ARFGEF3: variants seen among roughly 807,000 people sequenced by gnomAD.
ARFGEF3 encodes the protein brefeldin A-inhibited guanine nucleotide-exchange protein 3.
ARFGEF3 carries 96 observed loss-of-function variants against 221.7 expected under a neutral mutation model. That is an observed-to-expected ratio of 0.43 (90% CI 0.37 to 0.51). ARFGEF3 has a LOEUF of 0.51. ARFGEF3 is among the 20% of genes least tolerant of loss of function. ARFGEF3 has a pLI of 0.00. For synonymous variants in ARFGEF3, 1,145 were observed against 1,126.8 expected, an observed-to-expected ratio of 1.02 and a Z score of -0.32; for missense variants, 2,410 against 2,789.9, an observed-to-expected ratio of 0.86 and a Z score of 3.07.
intron 20 of ARFGEF3, among the ~76,000 whole-genome samples, chr6:138,295,522 C>T (rs929405911): frequency 6.0e-5 from 9 of 150,332 alleles, no homozygotes; most frequent in Non-Finnish European, 1.3e-4. Context: ...CCCAGCTACT[C>T]GGGAGGCTGA....
At chr6:138,318,815 A>G (rs948939847) in intron 27 of ARFGEF3, among the ~76,000 whole-genome samples, 19 of 152,232 alleles carry the variant, frequency 1.2e-4, no homozygotes, top group African/African-American at 4.6e-4. Flanking sequence ...ATTATAGCAT[A>G]GTCTATAAAA....
chr6:138,263,340 A>G lies in ARFGEF3; in HGVS notation c.1857A>G (p.Glu619=), dbSNP rs754091423. 2.5e-6 allele frequency: 4 copies of G among 1,614,048 alleles called. No homozygotes were observed. The highest frequency in any genetic ancestry group is 3.4e-6 in the Non-Finnish European group (4 of 1,179,906). ...DSCDQYSMAA[E]KDSGRSDVSD... Reference sequence around the variant, plus strand: ...GTGATCAGTACTCTATGGCAGCAGAAAAGGACTCGGGCAGGTCCGACGTGT... The same window carrying G: ...GTGATCAGTACTCTATGGCAGCAGAGAAGGACTCGGGCAGGTCCGACGTGT... The change falls in exon 12 of 34, where the codon GAA becomes GAG. Residue 619 remains glutamate (E), a synonymous_variant. Coordinates refer to ENST00000251691, the MANE Select transcript of ARFGEF3 (RefSeq NM_020340.5).
intron 7 of ARFGEF3, among the ~76,000 whole-genome samples, chr6:138,243,895 C>T (rs1778436792): frequency 6.6e-6 from 1 of 152,138 alleles, no homozygotes; most frequent in African/African-American, 2.4e-5. Flanking sequence ...TCTTGGGCCG[C>T]GGACTGGAAG....
intron 14 of ARFGEF3, among the ~76,000 whole-genome samples, chr6:138,285,728 G>A (rs1019878632): frequency 5.3e-5 from 8 of 152,056 alleles, no homozygotes; most frequent in Non-Finnish European, 1.2e-4. Context: ...AATAAAGATA[G>A]GCAACAATGT....
intron 2 of ARFGEF3, among the ~76,000 whole-genome samples, chr6:138,185,961 A>G (rs1043541972): frequency 3.3e-5 from 5 of 152,204 alleles, no homozygotes; most frequent in African/African-American, 1.2e-4. Flanking sequence ...TCTGCATTCT[A>G]ATGATAAGGG....
intron 32 of ARFGEF3, among the ~76,000 whole-genome samples, chr6:138,329,017 A>T (rs1331261675): frequency 6.6e-6 from 1 of 151,854 alleles, no homozygotes; most frequent in African/African-American, 2.4e-5. Flanking sequence ...ATAAAAAGTA[A>T]ATTGAGGCAT....
intron 6 of ARFGEF3, 30 bp from the exon 7 acceptor site, chr6:138,242,922 C>T: frequency 1.9e-6 from 3 of 1,590,802 alleles, no homozygotes; most frequent in Non-Finnish European, 2.6e-6. Context: ...CCTGAATCTC[C>T]TAATTGTGTG....
rs566405523 is a variant in ARFGEF3 at position 138,269,614 on chromosome 6, G to T, written c.2128+6003G>T. Among the ~76,000 whole-genome samples, 7 of 152,206 alleles carry T rather than the reference G, an allele frequency of 4.6e-5. No homozygotes were observed. The East Asian group carries it at 1.4e-3, about 30-fold the overall frequency. ...ACCTGAGGTCAGGACTTCAAGACCA[G>T]CCTGACCAACATGGAGAAACCCCGT... On this transcript the variant is annotated intron_variant, in intron 12 of 33. Coordinates refer to ENST00000251691, the MANE Select transcript of ARFGEF3 (RefSeq NM_020340.5).
chr6:138,212,954 A>G (rs1777759464), intron 4 of ARFGEF3, among the ~76,000 whole-genome samples: 1 of 152,148 alleles, frequency 6.6e-6, no homozygotes, highest in Non-Finnish European at 1.5e-5. Context: ...TGGCACATGT[A>G]TACCTATGTA....
intron 22 of ARFGEF3, among the ~76,000 whole-genome samples, chr6:138,305,376 G>A (rs1779701259): frequency 1.3e-5 from 2 of 151,954 alleles, no homozygotes; most frequent in South Asian, 4.1e-4. Context: ...CACAGCAGAA[G>A]GTTTGCTTGA....
Position 138,334,707 on chromosome 6 carries a change from G to C in ARFGEF3, c.5861G>C (p.Gly1954Ala). The change falls in exon 33 of 34, where the codon GGC becomes GCC. Residue 1954 changes from glycine (G) to alanine (A), a missense_variant. Gly to Ala is a moderately conservative substitution (Grantham distance 60, BLOSUM62 0). This residue lies in a region of ARFGEF3 where 339 missense variants were observed against 334.9 expected (regional missense o/e 1.01). Transcript: ENST00000251691. The surrounding 1 kb of genome is among the most constrained non-coding windows in gnomAD (Gnocchi z 5.1). ...QSESSTPSTG[G>A]FSGKETPSED... ...GAGTCATCCACCCCATCCACCGGGG[G>C]CTTCTCTGGGAAAGAAACCCCTTCC... 6.2e-7 allele frequency: 1 copy of C among 1,610,318 alleles called. No individual in the cohort carries two copies. Among genetic ancestry groups the C allele is most frequent in the Non-Finnish European group, 8.5e-7 (1 of 1,177,110 alleles).
intron 2 of ARFGEF3, among the ~76,000 whole-genome samples, chr6:138,198,965 C>T (rs1299551450): frequency 6.6e-6 from 1 of 152,230 alleles, no homozygotes; most frequent in Non-Finnish European, 1.5e-5. Flanking sequence ...CTAGCCTAGG[C>T]ATGGCAGCAC....
At chr6:138,261,139 C>T (rs184394212) in intron 10 of ARFGEF3, among the ~76,000 whole-genome samples, 9 of 152,244 alleles carry the variant, frequency 5.9e-5, no homozygotes, top group South Asian at 2.1e-4. Flanking sequence ...CATACTTCTC[C>T]ACCTAGTTTA....
chr6:138,162,005 G>A lies in ARFGEF3; in HGVS notation c.-82G>A, dbSNP rs1776621990. ...CGCGGCGGCCGCCTAGGCGCCCAGGGCCAGGCAGCGGCGGCTTCCCCGGCC... is the reference window on the plus strand; with the variant it reads ...CGCGGCGGCCGCCTAGGCGCCCAGGACCAGGCAGCGGCGGCTTCCCCGGCC... On this transcript the variant is annotated 5_prime_UTR_variant, in exon 1 of 34. Transcript: ENST00000251691. This position sits in a 1 kb window ranked among gnomAD's most constrained non-coding sequence, Gnocchi z 4.7. 2 of 991,764 alleles carry A rather than the reference G, an allele frequency of 2.0e-6. No individual in the cohort carries two copies. Among genetic ancestry groups the A allele is most frequent in the Middle Eastern group, 3.3e-4 (1 of 3,046 alleles). The allele number at this position is 991,764 out of a possible 1,614,324, so 61.4% of individuals were successfully genotyped here.
intron 14 of ARFGEF3, 62 bp downstream of exon 14, chr6:138,280,226 G>A: frequency 6.6e-7 from 1 of 1,520,338 alleles, no homozygotes; most frequent in Middle Eastern, 1.7e-4. Flanking sequence ...ACGCTTTAAA[G>A]CCTCTTTCAG....
intron 1 of ARFGEF3, among the ~76,000 whole-genome samples, chr6:138,166,396 G>A (rs537073937): frequency 7.2e-5 from 11 of 152,278 alleles, no homozygotes; most frequent in Non-Finnish European, 1.0e-4. Context: ...AGGTCATACC[G>A]CATATGGCAT....
At chr6:138,259,624 G>A (rs1778750066) in intron 10 of ARFGEF3, among the ~76,000 whole-genome samples, 1 of 152,154 alleles carries the variant, frequency 6.6e-6, no homozygotes, top group Admixed American at 6.5e-5. Flanking sequence ...TGAAGCAATT[G>A]AGAAATAAGT....
At chr6:138,293,929 A>G (rs1363556757) in intron 19 of ARFGEF3, 64 bp from the exon 20 acceptor site, 2 of 1,532,544 alleles carry the variant, frequency 1.3e-6, no homozygotes, top group Non-Finnish European at 1.8e-6. Context: ...TACCATAATC[A>G]TTCTGCCATA....
At chr6:138,260,666 A>G (rs562544946) in intron 10 of ARFGEF3, among the ~76,000 whole-genome samples, 5 of 152,332 alleles carry the variant, frequency 3.3e-5, no homozygotes, top group East Asian at 3.9e-4. Context: ...AAAAATAAGG[A>G]TAAAAGAAGA....
Sources: gnomAD v4.1 joint callset for allele counts (sites outside exome capture counted in the v4.1 genomes callset) on GRCh38, gnomAD v4.1.1 for gene constraint, gnomAD v4.1.1 regional missense constraint, Gnocchi (gnomAD v3.1) non-coding constraint, MANE v1.5 for transcripts, NCBI Gene and HGNC (gene_info 2026-07-23, HGNC 2026-07-21) for gene names.